RFX1: variants seen among roughly 807,000 people sequenced by gnomAD.
The protein encoded by RFX1 is MHC class II regulatory factor RFX1.
In RFX1, 42 loss-of-function variants were observed where a neutral mutation model predicts 119.6. The observed-to-expected ratio is 0.35, with a 90% CI of 0.27 to 0.45. The LOEUF is 0.45. Among genes scored for constraint, RFX1 ranks in the 20% least tolerant of loss-of-function variants. The probability of loss-of-function intolerance (pLI) is 1.00; values close to 1 mark genes in which losing one functional copy is unlikely to be tolerated. For missense variants in RFX1, 1,118 were observed against 1,368.1 expected (o/e 0.82, Z 2.88); for synonymous variants, 628 against 618.5 (o/e 1.02, Z -0.23).
chr19:13,977,980 C>T lies in RFX1; in HGVS notation c.929+12G>A. The T allele has an allele frequency of 1.2e-6, 2 of 1,603,188 alleles. No individual in the cohort carries two copies. Among genetic ancestry groups the T allele is most frequent in the Non-Finnish European group, 1.7e-6 (2 of 1,171,656 alleles). ...ACCTGACTCCCTCACCCACCCCTCTCCCTTCACTTACATGGCACTGGCCGT... is the reference window on the plus strand; with the variant it reads ...ACCTGACTCCCTCACCCACCCCTCTTCCTTCACTTACATGGCACTGGCCGT... On this transcript the variant is annotated intron_variant, in intron 8 of 20. Coordinates refer to ENST00000254325, the MANE Select transcript of RFX1 (RefSeq NM_002918.5).
chr19:13,978,818 C>G (rs1181178481), intron 7 of RFX1, among the ~76,000 whole-genome samples: 1 of 152,142 alleles, frequency 6.6e-6, no homozygotes, highest in African/African-American at 2.4e-5. Flanking sequence ...ACCCTCTGGT[C>G]GGGGCTGGCT....
intron 7 of RFX1, among the ~76,000 whole-genome samples, chr19:13,978,719 G>A (rs1974334796): frequency 6.7e-6 from 1 of 149,460 alleles, no homozygotes; most frequent in East Asian, 2.0e-4. Context: ...CCGCCCGCCC[G>A]CTGCCCCCCG....
At chr19:14,000,831 A>G (rs1190828225) in intron 1 of RFX1, among the ~76,000 whole-genome samples, 1 of 152,158 alleles carries the variant, frequency 6.6e-6, no homozygotes, top group Admixed American at 6.6e-5. Context: ...ATGGCGGCTC[A>G]CGCCTGTAAT....
intron 2 of RFX1, among the ~76,000 whole-genome samples, chr19:13,987,279 T>C (rs1974632075): frequency 6.6e-6 from 1 of 152,042 alleles, no homozygotes; most frequent in African/African-American, 2.4e-5. Flanking sequence ...TTTATGGATC[T>C]AGTATTGTTC....
At chr19:13,989,959 G>A (rs1312518713) in intron 2 of RFX1, among the ~76,000 whole-genome samples, 3 of 152,148 alleles carry the variant, frequency 2.0e-5, no homozygotes, top group Non-Finnish European at 2.9e-5. Context: ...CTGGGAGGAT[G>A]AGAAAGCCTT....
At chr19:13,972,174 A>G (rs1974104468) in intron 9 of RFX1, among the ~76,000 whole-genome samples, 3 of 151,418 alleles carry the variant, frequency 2.0e-5, no homozygotes, top group Admixed American at 2.0e-4. Context: ...GTCTCAAAAA[A>G]AAAAAAAAAA....
chr19:13,982,455 C>T (rs1030549777), intron 4 of RFX1, among the ~76,000 whole-genome samples: 3 of 152,140 alleles, frequency 2.0e-5, no homozygotes, highest in African/African-American at 4.8e-5. Context: ...AGCCAGGAAG[C>T]GGCAGAGCCG....
At chr19:14,005,843 G>GC (rs1244723803) in intron 1 of RFX1, among the ~76,000 whole-genome samples, 6 of 140,460 alleles carry the variant, frequency 4.3e-5, no homozygotes, top group Admixed American at 7.6e-5. Context: ...ACATATAAAA[G>GC]CCCCCCGCCC....
rs754841032 is a variant in RFX1 at position 13,982,213 on chromosome 19, G to A, written c.529C>T (p.Arg177Cys). The change falls in exon 5 of 21, where the codon CGT becomes TGT. Residue 177 changes from arginine (R) to cysteine (C), a missense_variant. Arg to Cys is a radical substitution (Grantham distance 180). Transcript: ENST00000254325. ...QVPQQALPTQ[R>C]LVVQSAAPGS... Reference sequence around the variant, plus strand: ...GGGGCTGCGCTCTGCACCACCAGACGCTGCGTGGGAAGAGCCTGGGGCCAG... The same window carrying A: ...GGGGCTGCGCTCTGCACCACCAGACACTGCGTGGGAAGAGCCTGGGGCCAG... 16 of 1,307,542 alleles carry A rather than the reference G, an allele frequency of 1.2e-5. No individual in the cohort carries two copies. Among genetic ancestry groups the A allele is most frequent in the African/African-American group, 6.3e-5 (4 of 63,358 alleles). The allele number at this position is 1,307,542 out of a possible 1,614,324, so 81.0% of individuals were successfully genotyped here.
At chr19:13,974,115 C>T (rs1448840648) in intron 8 of RFX1, among the ~76,000 whole-genome samples, 1 of 152,142 alleles carries the variant, frequency 6.6e-6, no homozygotes, top group African/African-American at 2.4e-5. Context: ...CCCCCGGAAC[C>T]GTCTAGTTGG....
chr19:13,981,649 G>A (rs539924720), intron 5 of RFX1, among the ~76,000 whole-genome samples: 15 of 152,208 alleles, frequency 9.9e-5, no homozygotes, highest in Admixed American at 2.0e-4. Flanking sequence ...ACGAGAGGAA[G>A]TGGCTGGGCC....
chr19:13,972,923 G>A lies in RFX1; in HGVS notation c.1134C>T (p.Asn378=), dbSNP rs1466821441. The change falls in exon 9 of 21, where the codon AAC becomes AAT. Residue 378 remains asparagine (N), a synonymous_variant. Coordinates refer to ENST00000254325, the MANE Select transcript of RFX1 (RefSeq NM_002918.5). ...SSTSTGAGAS[N]SSGGGGSGGG... Reference sequence around the variant, plus strand: ...CACCACTGCCACCACCTCCGCTGCTGTTGCTGGCCCCAGCCCCAGTGCTGG... The same window carrying A: ...CACCACTGCCACCACCTCCGCTGCTATTGCTGGCCCCAGCCCCAGTGCTGG... The A allele has an allele frequency of 1.9e-6, 3 of 1,598,046 alleles. No homozygotes were observed. The highest frequency in any genetic ancestry group is 1.3e-5 in the African/African-American group (1 of 74,936).
At chr19:13,964,385 G>A (rs1973824301) in intron 16 of RFX1, among the ~76,000 whole-genome samples, 1 of 145,142 alleles carries the variant, frequency 6.9e-6, no homozygotes, top group African/African-American at 2.8e-5. Flanking sequence ...GCCAGGAAAG[G>A]CCTTTTTTTT....
chr19:13,968,631 C>T lies in RFX1; in HGVS notation c.1666G>A (p.Gly556Arg). Residue 556 changes from glycine to arginine, a missense_variant, in exon 12 of 21, where the codon GGG (glycine) becomes AGG (arginine). Coordinates refer to ENST00000254325, the MANE Select transcript of RFX1 (RefSeq NM_002918.5). This position sits in a 1 kb window ranked among gnomAD's most constrained non-coding sequence, Gnocchi z 5.5. ...GACAGCCCCGTGCTCGGCTGCTGCC[C>T]CACCGCCACGCCGTTGGTCATGCCT... ...MEGMTNGVAV[G>R]QQPSTGLSDI... 1 of 1,613,322 alleles carries T rather than the reference C, an allele frequency of 6.2e-7. No homozygotes were observed. Among genetic ancestry groups the T allele is most frequent in the African/African-American group, 1.3e-5 (1 of 75,072 alleles).
At chr19:13,982,415 G>A (rs1974458144) in intron 4 of RFX1, among the ~76,000 whole-genome samples, 187 bp from the exon 5 acceptor site, 1 of 152,140 alleles carries the variant, frequency 6.6e-6, no homozygotes, top group African/African-American at 2.4e-5. Flanking sequence ...CAAGGCTCAG[G>A]ACGGCAAAGG....
At chr19:13,994,867 T>A (rs1040540425) in intron 1 of RFX1, among the ~76,000 whole-genome samples, 3 of 134,758 alleles carry the variant, frequency 2.2e-5, no homozygotes, top group African/African-American at 8.4e-5. Context: ...GTATATATAT[T>A]GTATATGTAT....
At chr19:13,962,893 G>C in intron 20 of RFX1, 29 bp from the exon 21 acceptor site, 3 of 1,536,846 alleles carry the variant, frequency 2.0e-6, no homozygotes, top group Non-Finnish European at 2.6e-6. Context: ...GTCCGGCTCG[G>C]GGCGGGGTGG....
intron 18 of RFX1, 74 bp downstream of exon 18, chr19:13,963,464 A>T: frequency 1.3e-6 from 2 of 1,483,638 alleles, no homozygotes; most frequent in Non-Finnish European, 1.8e-6. Flanking sequence ...GTCGTCGTAG[A>T]AGAGCACCTG....
Position 13,990,736 on chromosome 19 carries a change from G to C in RFX1, c.319+2789C>G, listed in dbSNP as rs142714446. 3.9e-4 allele frequency among the ~76,000 whole-genome samples: 59 copies of C among 152,014 alleles called. No homozygotes were observed. Among genetic ancestry groups the C allele is most frequent in the African/African-American group, 1.4e-3 (58 of 41,446 alleles). ...GGAGGCTGAGGCAGGAGAATGGTGT[G>C]AACCCCGGAGGCAGAGCTTGCAGTG... On this transcript the variant is annotated intron_variant, in intron 2 of 20. Coordinates refer to ENST00000254325, the MANE Select transcript of RFX1 (RefSeq NM_002918.5). The surrounding 1 kb of genome is among the most constrained non-coding windows in gnomAD (Gnocchi z 4.1).
Sources: gnomAD v4.1 joint callset for allele counts (sites outside exome capture counted in the v4.1 genomes callset) on GRCh38, gnomAD v4.1.1 for gene constraint, Gnocchi (gnomAD v3.1) non-coding constraint, MANE v1.5 for transcripts, NCBI Gene and HGNC (gene_info 2026-07-23, HGNC 2026-07-21) for gene names.